The following CCDC178 variants were observed in gnomAD, a reference collection of about 807,000 sequenced individuals.
CCDC178 encodes coiled-coil domain containing 178.
Under a neutral mutation model 117.4 loss-of-function variants are expected in CCDC178, and 126 were observed. The observed-to-expected ratio is 1.07, with a 90% CI of 0.93 to 1.24. The LOEUF (loss-of-function observed/expected upper bound fraction) is 1.24. CCDC178 is among the 50% of genes most tolerant of loss of function. The probability of loss-of-function intolerance (pLI) is 0.00; values close to 1 mark genes in which losing one functional copy is unlikely to be tolerated. For missense variants in CCDC178, 1,030 were observed against 986.9 expected (o/e 1.04, Z -0.59); for synonymous variants, 283 against 313.4 (o/e 0.90, Z 1.02).
chr18:32,973,287 A>C (rs2054966531), intron 22 of CCDC178, among the ~76,000 whole-genome samples: 1 of 152,122 alleles, frequency 6.6e-6, no homozygotes, highest in Non-Finnish European at 1.5e-5. Context: ...AAAAATATAG[A>C]TTTTTCTAAG....
chr18:33,207,771 AT>A (rs2059063003), intron 20 of CCDC178, among the ~76,000 whole-genome samples: 1 of 152,122 alleles, frequency 6.6e-6, no homozygotes, highest in African/African-American at 2.4e-5. Flanking sequence ...ATTAGCAGTA[AT>A]TCTGCCACAT....
At chr18:33,321,362 A>G (rs2145001052) in intron 11 of CCDC178, among the ~76,000 whole-genome samples, 1 of 152,358 alleles carries the variant, frequency 6.6e-6, no homozygotes, top group Admixed American at 6.5e-5. Flanking sequence ...GCTAATATCC[A>G]GAATCTACAA....
intron 20 of CCDC178, among the ~76,000 whole-genome samples, chr18:33,153,119 T>C (rs2058358230): frequency 6.8e-6 from 1 of 147,970 alleles, no homozygotes; most frequent in African/African-American, 2.5e-5. Context: ...ATGCTTTAAA[T>C]CAGTTGTGAG....
chr18:33,300,577 T>G (rs1481455384), intron 11 of CCDC178, among the ~76,000 whole-genome samples: 1 of 152,194 alleles, frequency 6.6e-6, no homozygotes, highest in Non-Finnish European at 1.5e-5. Flanking sequence ...TGATGAGGTT[T>G]CAGATGTAAA....
intron 15 of CCDC178, among the ~76,000 whole-genome samples, chr18:33,238,148 G>A (rs548493299): frequency 6.6e-6 from 1 of 152,232 alleles, no homozygotes; most frequent in East Asian, 1.9e-4. Flanking sequence ...TCATCAACAT[G>A]AATAAGTTTC....
chr18:33,359,793 G>A (rs766244508), intron 6 of CCDC178, among the ~76,000 whole-genome samples: 7 of 151,306 alleles, frequency 4.6e-5, no homozygotes, highest in South Asian at 2.1e-4. Flanking sequence ...AAAATTGCCC[G>A]ATTCGATGTA....
chr18:33,328,059 A>G, intron 10 of CCDC178: 1 of 376,002 alleles, frequency 2.7e-6, no homozygotes, highest in Non-Finnish European at 5.1e-6. Context: ...TTCCAAATCC[A>G]AGGTCATAAA....
intron 2 of CCDC178, among the ~76,000 whole-genome samples, chr18:33,432,041 C>T (rs868100202): frequency 1.3e-5 from 2 of 152,140 alleles, no homozygotes; most frequent in Non-Finnish European, 2.9e-5. Context: ...CAGGCTGCAT[C>T]ACAGGCATGA....
At chr18:33,125,119 C>A (rs1255266623) in intron 20 of CCDC178, among the ~76,000 whole-genome samples, 1 of 152,088 alleles carries the variant, frequency 6.6e-6, no homozygotes, top group East Asian at 1.9e-4. Flanking sequence ...AGTTTACACT[C>A]TCAGGCTGGC....
chr18:33,092,664 ATCG>A (rs1029706001), intron 21 of CCDC178, 94 bp downstream of exon 21: 7 of 696,364 alleles, frequency 1.0e-5, no homozygotes, highest in Non-Finnish European at 1.7e-5. Context: ...TGTGGATATC[ATCG>A]TCAGATCAGA....
chr18:33,284,816 C>A (rs56675518), intron 12 of CCDC178, among the ~76,000 whole-genome samples: 2 of 151,780 alleles, frequency 1.3e-5, no homozygotes, highest in Admixed American at 1.3e-4. Flanking sequence ...TATGTGAGAA[C>A]GCAAGGAGAG....
chr18:33,160,554 T>C lies in CCDC178; in HGVS notation c.2238+51342A>G, dbSNP rs182498937. On this transcript the variant is annotated intron_variant, in intron 20 of 22. Coordinates refer to ENST00000383096, the MANE Select transcript of CCDC178 (RefSeq NM_001105528.4). Reference sequence around the variant, plus strand: ...ATTCTCTAATGTTCTCCTTTAGTCATAGGACACAGGTCAATAGCAAAGGTA... The same window carrying C: ...ATTCTCTAATGTTCTCCTTTAGTCACAGGACACAGGTCAATAGCAAAGGTA... 1.4e-4 allele frequency among the ~76,000 whole-genome samples: 21 copies of C among 152,298 alleles called. No individual in the cohort carries two copies. The South Asian group carries it at 1.4e-3, about 11-fold the overall frequency.
At chr18:33,244,147 G>A (rs1442586127) in intron 15 of CCDC178, among the ~76,000 whole-genome samples, 1 of 151,930 alleles carries the variant, frequency 6.6e-6, no homozygotes, top group East Asian at 1.9e-4. Flanking sequence ...TTACACATCC[G>A]AAATTCAGAT....
chr18:33,337,544 G>A (rs1346300110), intron 9 of CCDC178, among the ~76,000 whole-genome samples: 1 of 151,960 alleles, frequency 6.6e-6, no homozygotes, highest in Admixed American at 6.6e-5. Context: ...ACACAACATG[G>A]TATTGGTATA....
intron 21 of CCDC178, among the ~76,000 whole-genome samples, chr18:32,986,881 G>A (rs1274542364): frequency 6.6e-6 from 1 of 151,974 alleles, no homozygotes; most frequent in Non-Finnish European, 1.5e-5. Flanking sequence ...TATATTGCAT[G>A]ATAGTTAAAA....
intron 22 of CCDC178, among the ~76,000 whole-genome samples, chr18:32,959,009 T>TGGTA (rs773244295): frequency 1.2e-3 from 189 of 152,296 alleles, no homozygotes; most frequent in Non-Finnish European, 2.0e-3. Flanking sequence ...CCCCCAAATG[T>TGGTA]GGTAACAAGT....
rs574942165 is a variant in CCDC178 at position 33,276,852 on chromosome 18, A to T, written c.1177-9555T>A. On this transcript the variant is annotated intron_variant, in intron 12 of 22. Coordinates refer to ENST00000383096, the MANE Select transcript of CCDC178 (RefSeq NM_001105528.4). The stretch of plus-strand genomic sequence containing the variant: ...TATACTGTATTATAGATAATGAGAG[A>T]AATATTACATGAGCTTCTCCCTAGA... 5.9e-5 allele frequency among the ~76,000 whole-genome samples: 9 copies of T among 152,288 alleles called. No homozygotes were observed. The East Asian group carries it at 1.3e-3, about 23-fold the overall frequency.
chr18:33,368,695 G>C (rs752366372), intron 6 of CCDC178, among the ~76,000 whole-genome samples: 2 of 151,860 alleles, frequency 1.3e-5, no homozygotes, highest in African/African-American at 4.8e-5. Context: ...GCTTGAACAA[G>C]TTGCTGAATT....
In CCDC178 at chr18:33,403,489, C is replaced by CAA. The variant is rs34702028; in HGVS notation, c.59-6283_59-6282dup. On this transcript the variant is annotated intron_variant, in intron 3 of 22. Transcript: ENST00000383096. ...GTTTTCAACAAAAATGTATGACATC[C>CAA]AAAAAAAAAAAAAACCGGACAAATG... is the stretch of plus-strand genomic sequence containing the variant. 3.9e-3 allele frequency among the ~76,000 whole-genome samples: 446 copies of CAA among 115,736 alleles called. 1 individual carries two copies. Among genetic ancestry groups the CAA allele is most frequent in the African/African-American group, 0.012 (406 of 33,106 alleles). The allele number at this position is 115,736 out of a possible 152,430, so 75.9% of individuals were successfully genotyped here.
Sources: allele counts gnomAD v4.1 joint callset (sites outside exome capture counted in the v4.1 genomes callset), GRCh38; gene constraint gnomAD v4.1.1; transcripts MANE v1.5; gene names NCBI Gene and HGNC (gene_info 2026-07-23, HGNC 2026-07-21).